Variants in CSMD1 observed in about 807,000 individuals in gnomAD.
The protein encoded by CSMD1 is CUB and sushi domain-containing protein 1.
In CSMD1, 213 loss-of-function variants were observed where a neutral mutation model predicts 417.5. The ratio of observed to expected loss-of-function variants is 0.51; its 90% CI spans 0.46 to 0.57. The LOEUF is 0.57. CSMD1 is among the 20% of genes least tolerant of loss of function. CSMD1 has a pLI of 0.00. For synonymous variants in CSMD1, 2,862 were observed against 1,736.8 expected (o/e 1.65, Z -16.11); for missense variants, 6,923 against 4,529.7 (o/e 1.53, Z -15.17).
chr8:4,132,095 T>A (rs1803143058), intron 3 of CSMD1, among the ~76,000 whole-genome samples: 1 of 151,872 alleles, frequency 6.6e-6, no homozygotes, highest in African/African-American at 2.4e-5. Context: ...AGGTAAAGAA[T>A]CACATATGGA....
Position 3,559,438 on chromosome 8 carries a change from C to T in CSMD1, c.1344+15507G>A, listed in dbSNP as rs548867667. ...TGGGAATATACGCAACATATTGTAA[C>T]GTTGCCAAGCAACCTGTAAATGTGT... On this transcript the variant is annotated intron_variant, in intron 10 of 69. Transcript: ENST00000635120. Among the ~76,000 whole-genome samples, 47 of 152,188 alleles carry T rather than the reference C, an allele frequency of 3.1e-4. 1 individual carries two copies. In the South Asian group the frequency reaches 8.9e-3, roughly 29 times the overall value.
At position 3,214,506 on chromosome 8, in the gene CSMD1, A is replaced by C; in HGVS notation, c.4858T>G (p.Ser1620Ala). The C allele has an allele frequency of 6.3e-7, 1 of 1,593,628 alleles. No homozygotes were observed. The highest frequency in any genetic ancestry group is 8.5e-7 in the Non-Finnish European group (1 of 1,170,238). Residue 1620 changes from serine to alanine, a missense_variant, in exon 30 of 70, where the codon TCC (serine) becomes GCC (alanine). Physicochemically the swap from Ser to Ala is moderately conservative, Grantham distance 99. Coordinates refer to ENST00000635120, the MANE Select transcript of CSMD1 (RefSeq NM_033225.6). ...GKPSWDQVLPSCNAPCGGQYT... is the reference protein window; with the variant it reads ...GKPSWDQVLPACNAPCGGQYT... ...CCAAGCGTGCACTCACCATTGCAGGAGGGCAGCACTTGGTCCCAGGAGGGT... is the reference window on the plus strand; with the variant it reads ...CCAAGCGTGCACTCACCATTGCAGGCGGGCAGCACTTGGTCCCAGGAGGGT...
chr8:3,177,568 C>G (rs186008296), intron 37 of CSMD1, among the ~76,000 whole-genome samples: 1 of 152,152 alleles, frequency 6.6e-6, no homozygotes, highest in Non-Finnish European at 1.5e-5. Context: ...AAAATTCTTC[C>G]CTAATAAGCC....
At chr8:3,890,267 G>C (rs957450982) in intron 5 of CSMD1, among the ~76,000 whole-genome samples, 2 of 152,136 alleles carry the variant, frequency 1.3e-5, no homozygotes, top group South Asian at 2.1e-4. Context: ...AGAAACATCA[G>C]ATATTTTGCT....
intron 3 of CSMD1, among the ~76,000 whole-genome samples, chr8:4,175,962 C>T (rs1349456840): frequency 1.3e-5 from 2 of 152,142 alleles, no homozygotes; most frequent in Non-Finnish European, 2.9e-5. Flanking sequence ...CATGGGGCAG[C>T]TGGGCTTCTC....
At chr8:4,526,632 A>G (rs1290056546) in intron 2 of CSMD1, among the ~76,000 whole-genome samples, 1 of 152,248 alleles carries the variant, frequency 6.6e-6, no homozygotes, top group African/African-American at 2.4e-5. Flanking sequence ...ACTCTTGGGA[A>G]TTAACAAAAA....
chr8:4,497,110 T>A (rs921297307), intron 2 of CSMD1, among the ~76,000 whole-genome samples: 1 of 152,298 alleles, frequency 6.6e-6, no homozygotes, highest in Middle Eastern at 3.4e-3. Flanking sequence ...AGCAGTGACA[T>A]CCCAGACAGC....
chr8:4,035,817 T>C (rs1797586492), intron 3 of CSMD1, among the ~76,000 whole-genome samples: 1 of 152,148 alleles, frequency 6.6e-6, no homozygotes, highest in Non-Finnish European at 1.5e-5. Context: ...TTTTTATACA[T>C]TTAGTGTACT....
At chr8:4,797,959 A>G (rs930999440) in intron 1 of CSMD1, among the ~76,000 whole-genome samples, 3 of 152,224 alleles carry the variant, frequency 2.0e-5, no homozygotes, top group African/African-American at 7.2e-5. Context: ...TGCCTAGACT[A>G]CAGTTTTCCC....
In CSMD1 at chr8:3,284,286, C is replaced by T. The variant is rs1183389173; in HGVS notation, c.4011G>A (p.Gly1337=). The change falls in exon 26 of 70, where the codon GGG becomes GGA. Residue 1337 remains glycine, a synonymous_variant. Transcript: ENST00000635120. ...TCAGCAGGATGTCACTGTCCACCGG[C>T]CCGTCCCAGACCTTGAGGATGTCGT... is the stretch of plus-strand genomic sequence containing the variant. ...MAHDILKVWD[G]PVDSDILLKE... 3.7e-6 allele frequency: 6 copies of T among 1,613,806 alleles called. No homozygotes were observed. The Admixed American group carries it at 5.0e-5, about 13-fold the overall frequency.
At chr8:4,134,186 G>C (rs1417955718) in intron 3 of CSMD1, among the ~76,000 whole-genome samples, 1 of 152,128 alleles carries the variant, frequency 6.6e-6, no homozygotes, top group Non-Finnish European at 1.5e-5. Context: ...TAAAATTAAA[G>C]TTGAAGGAAA....
At chr8:4,095,712 C>T (rs954899436) in intron 3 of CSMD1, among the ~76,000 whole-genome samples, 3 of 152,116 alleles carry the variant, frequency 2.0e-5, no homozygotes, top group Admixed American at 6.5e-5. Context: ...GAGGTGCATC[C>T]GTACTTCAAT....
intron 57 of CSMD1, among the ~76,000 whole-genome samples, chr8:2,970,026 A>C (rs1804304101): frequency 6.6e-6 from 1 of 152,208 alleles, no homozygotes; most frequent in African/African-American, 2.4e-5. Flanking sequence ...GCAGCTTTTA[A>C]GGGCTAAGTT....
intron 12 of CSMD1, among the ~76,000 whole-genome samples, chr8:3,451,169 T>G (rs1815688213): frequency 6.6e-6 from 1 of 152,224 alleles, no homozygotes; most frequent in Admixed American, 6.5e-5. Context: ...GTTGCTTGTT[T>G]TCTTCTTGTA....
intron 1 of CSMD1, among the ~76,000 whole-genome samples, chr8:4,951,602 G>A (rs1808754010): frequency 6.6e-6 from 1 of 151,554 alleles, no homozygotes; most frequent in Admixed American, 6.6e-5. Flanking sequence ...AGAAAAACCT[G>A]CGGGGTTTTT....
chr8:4,851,851 C>T (rs973955268), intron 1 of CSMD1, among the ~76,000 whole-genome samples: 3 of 152,176 alleles, frequency 2.0e-5, no homozygotes, highest in African/African-American at 7.2e-5. Flanking sequence ...GCCACCATCA[C>T]TAAAATTAGA....
At chr8:3,132,343 C>CAT (rs1205964139) in intron 41 of CSMD1, among the ~76,000 whole-genome samples, 1 of 151,644 alleles carries the variant, frequency 6.6e-6, no homozygotes, top group African/African-American at 2.4e-5. Context: ...TAGCCTAATA[C>CAT]ATAGACGGCC....
At chr8:3,812,370 G>A (rs1009409062) in intron 5 of CSMD1, among the ~76,000 whole-genome samples, 2 of 152,094 alleles carry the variant, frequency 1.3e-5, no homozygotes, top group Admixed American at 1.3e-4. Flanking sequence ...TCTATACCAG[G>A]TAGTGAGATA....
At position 3,220,150 on chromosome 8, in the gene CSMD1, C is replaced by CAAAAAAA. The variant is rs756296256; in HGVS notation, c.4485-715_4485-709dup. Among the ~76,000 whole-genome samples the CAAAAAAA allele has an allele frequency of 3.0e-3, 342 of 114,180 alleles. 4 individuals are homozygous for CAAAAAAA. Among genetic ancestry groups the CAAAAAAA allele is most frequent in the African/African-American group, 0.011 (323 of 28,890 alleles). The allele number at this position is 114,180 out of a possible 152,430, so 74.9% of individuals were successfully genotyped here. ...CCTGAGAGACAGAACAAGACCCTGT[C>CAAAAAAA]AAAAAAAAAAAAAGACTCCACTTGC... On this transcript the variant is annotated intron_variant, in intron 28 of 69. Coordinates refer to ENST00000635120, the MANE Select transcript of CSMD1 (RefSeq NM_033225.6).
Sources: allele counts gnomAD v4.1 joint callset (sites outside exome capture counted in the v4.1 genomes callset), GRCh38; gene constraint gnomAD v4.1.1; transcripts MANE v1.5; gene names NCBI Gene and HGNC (gene_info 2026-07-23, HGNC 2026-07-21).